Variants in ADGRG6 observed in about 807,000 individuals in gnomAD.
The protein encoded by ADGRG6 is adhesion G protein-coupled receptor G6.
ADGRG6 carries 84 observed loss-of-function variants against 142.4 expected under a neutral mutation model. The ratio of observed to expected loss-of-function variants is 0.59; its 90% CI spans 0.49 to 0.71. The LOEUF (loss-of-function observed/expected upper bound fraction) is 0.71. Ranked by LOEUF, ADGRG6 falls within the 30% of genes least tolerant of loss-of-function variation. ADGRG6 has a pLI of 0.00. For missense variants in ADGRG6, 1,367 were observed against 1,466.6 expected (o/e 0.93, Z 1.11); for synonymous variants, 521 against 520.5 (o/e 1.00, Z -0.01).
rs751587735 is a variant in ADGRG6 at position 142,367,716 on chromosome 6, A to G, written c.251A>G (p.Asn84Ser). Residue 84 changes from asparagine to serine, a missense_variant, in exon 3 of 25, where the codon AAC becomes AGC. Asn to Ser is a conservative substitution (Grantham distance 46, BLOSUM62 1). Transcript: ENST00000367609. ...GGTTATATCATTCAGATAACATTTA[A>G]CGACTTTGACATTGAAGAAGCTCCC... Reference protein sequence around the residue: ...PTGYIIQITFNDFDIEEAPNC... With the variant: ...PTGYIIQITFSDFDIEEAPNC... The G allele has an allele frequency of 1.2e-6, 2 of 1,613,816 alleles. No homozygotes were observed. The highest frequency in any genetic ancestry group is 2.2e-5 in the South Asian group (2 of 91,060).
chr6:142,382,430 T>A (rs1350543177), intron 5 of ADGRG6, among the ~76,000 whole-genome samples: 1 of 152,142 alleles, frequency 6.6e-6, no homozygotes, highest in Non-Finnish European at 1.5e-5. Context: ...CAGTTAACTT[T>A]AAGATAAGGC....
chr6:142,404,239 C>G (rs1301488783), intron 14 of ADGRG6: 2 of 410,026 alleles, frequency 4.9e-6, no homozygotes, highest in Non-Finnish European at 8.7e-6. Context: ...GGCCACCATA[C>G]TTGGGGTGAG....
intron 2 of ADGRG6, among the ~76,000 whole-genome samples, chr6:142,335,466 G>GA (rs1394697944): frequency 1.2e-4 from 18 of 152,280 alleles, no homozygotes; most frequent in Admixed American, 1.1e-3. Flanking sequence ...AAGTAGTGAG[G>GA]ATTCAGTTCC....
rs1392171059 is a variant in ADGRG6 at position 142,405,711 on chromosome 6, G to A, written c.2151G>A (p.Val717=). 3.1e-6 allele frequency: 5 copies of A among 1,607,064 alleles called. No individual in the cohort carries two copies. In the African/African-American group the frequency reaches 5.3e-5, roughly 17 times the overall value. ...AGATGGATTTTGAGAGTGGACAAGT[G>A]GATCCACTGGCATCTGTAATTTTGC... The part of the protein sequence containing the change: ...YFQMDFESGQ[V]DPLASVILPP... Residue 717 remains valine, a synonymous_variant, in exon 15 of 25, where the codon GTG becomes GTA. Coordinates refer to ENST00000367609, the MANE Select transcript of ADGRG6 (RefSeq NM_198569.3).
At chr6:142,387,249 A>T (rs1000152360) in intron 6 of ADGRG6, among the ~76,000 whole-genome samples, 1 of 152,174 alleles carries the variant, frequency 6.6e-6, no homozygotes, top group Admixed American at 6.5e-5. Context: ...CTCTGCTCAA[A>T]CATCACTAGC....
intron 2 of ADGRG6, among the ~76,000 whole-genome samples, chr6:142,318,910 C>CT (rs1224953171): frequency 6.6e-6 from 1 of 152,030 alleles, no homozygotes; most frequent in Non-Finnish European, 1.5e-5. Context: ...TGAATGAGGA[C>CT]TTCCAGCCCA....
At chr6:142,361,625 C>T (rs188180321) in intron 2 of ADGRG6, among the ~76,000 whole-genome samples, 51 of 152,214 alleles carry the variant, frequency 3.4e-4, no homozygotes, top group African/African-American at 1.2e-3. Flanking sequence ...TTTGTAAGTT[C>T]TTATCAACTG....
chr6:142,306,993 A>G (rs982678894), intron 1 of ADGRG6, among the ~76,000 whole-genome samples: 10 of 152,090 alleles, frequency 6.6e-5, no homozygotes, highest in Non-Finnish European at 1.0e-4. Context: ...GCCTTAAGCC[A>G]TGGTCATCAT....
intron 2 of ADGRG6, among the ~76,000 whole-genome samples, chr6:142,363,043 C>T (rs1780791925): frequency 6.6e-6 from 1 of 152,162 alleles, no homozygotes; most frequent in Non-Finnish European, 1.5e-5. Flanking sequence ...AGATAATTTT[C>T]ACTGACCAGG....
At chr6:142,390,994 C>T (rs1448185350) in intron 7 of ADGRG6, among the ~76,000 whole-genome samples, 1 of 151,758 alleles carries the variant, frequency 6.6e-6, no homozygotes, top group Non-Finnish European at 1.5e-5. Context: ...AAAAACAATG[C>T]ATAATATTTC....
chr6:142,345,220 G>A lies in ADGRG6; in HGVS notation c.104-22349G>A, dbSNP rs59207048. 3.2e-3 allele frequency among the ~76,000 whole-genome samples: 484 copies of A among 152,008 alleles called. 4 individuals carry two copies. The highest frequency in any genetic ancestry group is 0.011 in the African/African-American group (469 of 41,464). On this transcript the variant is annotated intron_variant, in intron 2 of 24. Transcript: ENST00000367609. ...CACTGATGAATTAATAACGTTTTTC[G>A]ATACAAACATGTAATTGTCTCTAAT... is the stretch of plus-strand genomic sequence containing the variant.
chr6:142,356,334 A>G, intron 2 of ADGRG6, among the ~76,000 whole-genome samples: 1 of 152,188 alleles, frequency 6.6e-6, no homozygotes, highest in East Asian at 1.9e-4. Context: ...AAATAGCACA[A>G]TAAGTACTGT....
chr6:142,359,153 G>A (rs1345227043), intron 2 of ADGRG6, among the ~76,000 whole-genome samples: 1 of 145,048 alleles, frequency 6.9e-6, no homozygotes, highest in Non-Finnish European at 1.5e-5. Context: ...GCTTCAGTGA[G>A]CCATGATTGT....
intron 2 of ADGRG6, among the ~76,000 whole-genome samples, chr6:142,328,826 A>C (rs1778905942): frequency 6.6e-6 from 1 of 152,176 alleles, no homozygotes; most frequent in African/African-American, 2.4e-5. Context: ...GTTAGCTAAA[A>C]TTGGACTGTT....
rs1554234631 is a variant in ADGRG6, at chr6:142,338,027, T to TTTTTTGTTTTTTG, written c.103+28388_103+28389insGTTTTTTGTTTTT. ...ATGCCTTGTATCTTTGTTTTTTTTTTTTTTTTTTTTTGAGACGGAGTCTCG... is the reference window on the plus strand; with the variant it reads ...ATGCCTTGTATCTTTGTTTTTTTTTTTTTTTGTTTTTTGTTTTTTTTTTTGAGACGGAGTCTCG... On this transcript the variant is annotated intron_variant, in intron 2 of 24. Transcript: ENST00000367609. Among the ~76,000 whole-genome samples the TTTTTTGTTTTTTG allele has an allele frequency of 1.9e-4, 11 of 58,018 alleles. 1 individual carries two copies. Among genetic ancestry groups the TTTTTTGTTTTTTG allele is most frequent in the South Asian group, 7.6e-4 (1 of 1,324 alleles). 38.1% of individuals were successfully genotyped at this position (58,018 alleles called of 152,430 possible).
intron 22 of ADGRG6, among the ~76,000 whole-genome samples, chr6:142,422,661 G>A (rs1300608922): frequency 2.0e-5 from 3 of 147,138 alleles, no homozygotes; most frequent in South Asian, 2.2e-4. Flanking sequence ...ATGATTTATA[G>A]TCCTTTGGGT....
chr6:142,414,276 A>G (rs1039170711), intron 18 of ADGRG6, among the ~76,000 whole-genome samples: 26 of 152,142 alleles, frequency 1.7e-4, no homozygotes, highest in African/African-American at 5.1e-4. Context: ...CTTTATATTA[A>G]TACACTGGAA....
In ADGRG6 at chr6:142,397,763, A is replaced by G; in HGVS notation, c.1567+8A>G. The stretch of plus-strand genomic sequence containing the variant: ...TGAATGTGAGACAACTGGGTAAGTG[A>G]CTAATTTTTTTATAATATGCATTTT... On this transcript the variant is annotated splice_region_variant and intron_variant, in intron 10 of 24. Transcript: ENST00000367609. The G allele has an allele frequency of 6.5e-6, 10 of 1,528,504 alleles. No individual in the cohort carries two copies. Among genetic ancestry groups the G allele is most frequent in the Non-Finnish European group, 8.8e-6 (10 of 1,141,144 alleles). 94.7% of individuals were successfully genotyped at this position (1,528,504 alleles called of 1,614,324 possible).
At chr6:142,441,080 A>G (rs2115214854) in intron 24 of ADGRG6, 1 of 557,182 alleles carries the variant, frequency 1.8e-6, no homozygotes, top group Non-Finnish European at 3.2e-6. Flanking sequence ...TAGCACAATG[A>G]CATTCCTGCA....
Sources: gnomAD v4.1 joint callset for allele counts (sites outside exome capture counted in the v4.1 genomes callset) on GRCh38, gnomAD v4.1.1 for gene constraint, MANE v1.5 for transcripts, NCBI Gene and HGNC (gene_info 2026-07-23, HGNC 2026-07-21) for gene names.